The following PPARA variants were observed in gnomAD, a reference collection of about 807,000 sequenced individuals.
PPARA encodes the protein peroxisome proliferator activated receptor alpha, also known as peroxisome proliferator-activated receptor alpha.
In PPARA, 22 loss-of-function variants were observed where a neutral mutation model predicts 42.2. That is an observed-to-expected ratio of 0.52 (90% confidence interval 0.37 to 0.74). The LOEUF (loss-of-function observed/expected upper bound fraction) is 0.74, where lower values mean the gene tolerates loss of function less well. Among genes scored for constraint, PPARA ranks in the 30% least tolerant of loss-of-function variants. The pLI, the probability that PPARA is intolerant of heterozygous loss-of-function variation, is 0.00. For synonymous variants in PPARA, 242 were observed against 239.3 expected (o/e 1.01, Z -0.10); for missense variants, 465 against 608.2 (o/e 0.76, Z 2.48).
intron 4 of PPARA, among the ~76,000 whole-genome samples, chr22:46,199,358 C>T (rs1018167156): frequency 1.3e-5 from 2 of 152,134 alleles, no homozygotes; most frequent in Non-Finnish European, 2.9e-5. Context: ...CTAGGCTAGG[C>T]GCGGTGGCTC....
At position 46,204,368 on chromosome 22, in the gene PPARA, A is replaced by T. The variant is rs568718679; in HGVS notation, c.208+5777A>T. ...TTCTTTTGAATAAATACCTAGGAGT[A>T]TGACGGCTGGAACAGATGGCAGGTG... On this transcript the variant is annotated intron_variant, in intron 4 of 8. Coordinates refer to ENST00000407236, the MANE Select transcript of PPARA (RefSeq NM_005036.6). The surrounding 1 kb of genome is among the most constrained non-coding windows in gnomAD (Gnocchi z 5.2). Among the ~76,000 whole-genome samples the T allele has an allele frequency of 1.3e-5, 2 of 152,388 alleles. No homozygotes were observed. The highest frequency in any genetic ancestry group is 3.9e-4 in the East Asian group (2 of 5,194).
Position 46,240,229 on chromosome 22 carries a change from G to A in PPARA, c.*4849G>A. On this transcript the variant is annotated 3_prime_UTR_variant, in exon 9 of 9. Coordinates refer to ENST00000407236, the MANE Select transcript of PPARA (RefSeq NM_005036.6). This position sits in a 1 kb window ranked among gnomAD's most constrained non-coding sequence, Gnocchi z 6.0. ...GCAGCTTTCAAAGCAGGTTCCTGTG[G>A]TCTCCTCAGCTGTTTGAGGGGGTAA... 2 of 398,688 alleles carry A rather than the reference G, an allele frequency of 5.0e-6. No individual in the cohort carries two copies. The highest frequency in any genetic ancestry group is 8.8e-6 in the Non-Finnish European group (2 of 226,112). 24.7% of individuals were successfully genotyped at this position (398,688 alleles called of 1,614,324 possible).
chr22:46,205,509 C>G (rs1933146014), intron 4 of PPARA, among the ~76,000 whole-genome samples: 1 of 118,874 alleles, frequency 8.4e-6, no homozygotes, highest in Non-Finnish European at 1.7e-5. Flanking sequence ...CGTGAGCCAC[C>G]ATGCCCAGCC....
Position 46,198,591 on chromosome 22 carries a change from G to T in PPARA, c.208G>T (p.Asp70Tyr). 1 of 1,613,400 alleles carries T rather than the reference G, an allele frequency of 6.2e-7. No homozygotes were observed. Among genetic ancestry groups the T allele is most frequent in the Non-Finnish European group, 8.5e-7 (1 of 1,179,602 alleles). The change falls in exon 4 of 9, where the codon GAC becomes TAC. Residue 70 changes from aspartate (D) to tyrosine (Y), a missense_variant and splice_region_variant. Around this residue, in one of 2 missense-constraint regions of PPARA, gnomAD observed 152 missense variants for 139.1 expected, o/e 1.09. Coordinates refer to ENST00000407236, the MANE Select transcript of PPARA (RefSeq NM_005036.6). ...TGGCTCAGATGGCTCGGTCATCACG[G>T]GTAAGTGTGCCGTTTCCTAGAAAGT... ...CPGSDGSVIT[D>Y]TLSPASSPSS... is the part of the protein sequence containing the mutation.
chr22:46,175,591 G>C (rs1257369817), intron 2 of PPARA, among the ~76,000 whole-genome samples: 1 of 152,020 alleles, frequency 6.6e-6, no homozygotes, highest in Non-Finnish European at 1.5e-5. Context: ...GCGGGCGCCT[G>C]TAGTCCCAGC....
At chr22:46,179,902 A>T (rs993256587) in intron 3 of PPARA, among the ~76,000 whole-genome samples, 7 of 152,232 alleles carry the variant, frequency 4.6e-5, no homozygotes, top group African/African-American at 1.7e-4. Context: ...TGGGCAAGAG[A>T]TCTGAACAAA....
intron 4 of PPARA, among the ~76,000 whole-genome samples, chr22:46,209,207 A>G (rs5767636): frequency 0.32 from 47,927 of 152,010 alleles, 8,021 homozygotes; most frequent in African/African-American, 0.44. Flanking sequence ...TTTTCTCTAC[A>G]TGCTTGCCAA....
rs918461309 is a variant in PPARA, at chr22:46,230,382, G to A, written c.712-1410G>A. On this transcript the variant is annotated intron_variant, in intron 7 of 8. Coordinates refer to ENST00000407236, the MANE Select transcript of PPARA (RefSeq NM_005036.6). This position sits in a 1 kb window ranked among gnomAD's most constrained non-coding sequence, Gnocchi z 5.0. Reference sequence around the variant, plus strand: ...GCAAAACTCTGTCTCAAAAAAAAAAGAAATAACACCTTAGCCCACTGCATT... The same window carrying A: ...GCAAAACTCTGTCTCAAAAAAAAAAAAAATAACACCTTAGCCCACTGCATT... 3.5e-5 allele frequency among the ~76,000 whole-genome samples: 5 copies of A among 144,714 alleles called. No homozygotes were observed. The highest frequency in any genetic ancestry group is 1.4e-4 in the African/African-American group (5 of 36,370). The allele number at this position is 144,714 out of a possible 152,430, so 94.9% of individuals were successfully genotyped here.
At position 46,224,059 on chromosome 22, in the gene PPARA, C is replaced by T. The variant is rs1246226170; in HGVS notation, c.711+4045C>T. ...GGGCACTCTTCCGAGAGTCAGATGC[C>T]CTCTTCCACCCACACCCACAAAGCC... On this transcript the variant is annotated intron_variant, in intron 7 of 8. Coordinates refer to ENST00000407236, the MANE Select transcript of PPARA (RefSeq NM_005036.6). This position sits in a 1 kb window ranked among gnomAD's most constrained non-coding sequence, Gnocchi z 5.7. 6.6e-6 allele frequency among the ~76,000 whole-genome samples: 1 copy of T among 152,130 alleles called. No homozygotes were observed. The highest frequency in any genetic ancestry group is 2.4e-5 in the African/African-American group (1 of 41,428).
At chr22:46,220,169 C>T in intron 7 of PPARA, 155 bp downstream of exon 7, 1 of 907,940 alleles carries the variant, frequency 1.1e-6, no homozygotes, top group Non-Finnish European at 1.7e-6. Context: ...TTCTGAGACT[C>T]TGAGCTGTAG....
intron 2 of PPARA, among the ~76,000 whole-genome samples, chr22:46,174,720 G>A (rs550585764): frequency 6.6e-6 from 1 of 152,180 alleles, no homozygotes; most frequent in African/African-American, 2.4e-5. Context: ...AGGAGGCTGA[G>A]GTAGGAGGAT....
At position 46,235,379 on chromosome 22, in the gene PPARA, G is replaced by A. The variant is rs1225715345; in HGVS notation, c.1406G>A (p.Ter469=). ...CAGGAGATCTACAGGGACATGTACT[G>A]AGTTCCTTCAGATCAGCCACACCTT... ...LLQEIYRDMY[*] is the part of the protein sequence containing the mutation. The change falls in exon 9 of 9, where the codon TGA becomes TAA. Residue 469 remains the stop codon, a stop_retained_variant. Transcript: ENST00000407236. The surrounding 1 kb of genome is among the most constrained non-coding windows in gnomAD (Gnocchi z 7.0). The A allele has an allele frequency of 1.2e-6, 2 of 1,613,440 alleles. No individual in the cohort carries two copies. The highest frequency in any genetic ancestry group is 1.1e-5 in the South Asian group (1 of 91,002).
intron 3 of PPARA, among the ~76,000 whole-genome samples, chr22:46,186,367 A>C (rs900518630): frequency 6.6e-6 from 1 of 152,074 alleles, no homozygotes; most frequent in African/African-American, 2.4e-5. Flanking sequence ...TATTTGTGCA[A>C]CACACTTGAA....
intron 7 of PPARA, among the ~76,000 whole-genome samples, chr22:46,223,516 A>G (rs973589166): frequency 1.3e-5 from 2 of 151,414 alleles, no homozygotes; most frequent in Non-Finnish European, 2.9e-5. Context: ...GGTCGTGGGC[A>G]CCTGTAATCC....
In PPARA at chr22:46,239,808, C is replaced by T. The variant is rs1936325205; in HGVS notation, c.*4428C>T. ...CTTCCTAAGGTCTGTCTCCTCTGAA[C>T]TTGCACCTGGGCCTCTCTGTGTTTG... On this transcript the variant is annotated 3_prime_UTR_variant, in exon 9 of 9. Coordinates refer to ENST00000407236, the MANE Select transcript of PPARA (RefSeq NM_005036.6). 4 of 184,244 alleles carry T rather than the reference C, an allele frequency of 2.2e-5. No individual in the cohort carries two copies. Among genetic ancestry groups the T allele is most frequent in the Admixed American group, 1.9e-4 (3 of 16,096 alleles). The allele number at this position is 184,244 out of a possible 1,614,324, so 11.4% of individuals were successfully genotyped here.
At chr22:46,215,423 T>G in intron 5 of PPARA, 90 bp downstream of exon 5, 1 of 1,541,956 alleles carries the variant, frequency 6.5e-7, no homozygotes, top group South Asian at 1.1e-5. Context: ...TACTGAGAGA[T>G]TGCAGAAAGT....
chr22:46,179,097 T>C (rs1248877819), intron 3 of PPARA, among the ~76,000 whole-genome samples: 1 of 152,204 alleles, frequency 6.6e-6, no homozygotes, highest in African/African-American at 2.4e-5. Flanking sequence ...CCTCTTCTTA[T>C]AAAGTCACCA....
rs536293799 is a variant in PPARA at position 46,225,880 on chromosome 22, C to T, written c.711+5866C>T. On this transcript the variant is annotated intron_variant, in intron 7 of 8. Transcript: ENST00000407236. This position sits in a 1 kb window ranked among gnomAD's most constrained non-coding sequence, Gnocchi z 4.1. ...ACACATGCACCCACACATGGATACA[C>T]GCACACTCACACATGTACCCACACC... Among the ~76,000 whole-genome samples the T allele has an allele frequency of 1.3e-4, 20 of 151,790 alleles. No individual in the cohort carries two copies. Among genetic ancestry groups the T allele is most frequent in the Admixed American group, 2.0e-4 (3 of 15,242 alleles).
Position 46,167,996 on chromosome 22 carries a change from A to G in PPARA, c.-126-8757A>G, listed in dbSNP as rs1277965794. 6.6e-6 allele frequency among the ~76,000 whole-genome samples: 1 copy of G among 152,102 alleles called. No individual in the cohort carries two copies. Among genetic ancestry groups the G allele is most frequent in the Non-Finnish European group, 1.5e-5 (1 of 67,986 alleles). On this transcript the variant is annotated intron_variant, in intron 2 of 8. Coordinates refer to ENST00000407236, the MANE Select transcript of PPARA (RefSeq NM_005036.6). This position sits in a 1 kb window ranked among gnomAD's most constrained non-coding sequence, Gnocchi z 4.1. ...AGCCCAGGAGTTGAAGCTTGCAGTG[A>G]ATTATGACCATGCCACTGCACTCCA...
Sources: gnomAD v4.1 joint callset for allele counts (sites outside exome capture counted in the v4.1 genomes callset) on GRCh38, gnomAD v4.1.1 for gene constraint, gnomAD v4.1.1 regional missense constraint, Gnocchi (gnomAD v3.1) non-coding constraint, MANE v1.5 for transcripts, NCBI Gene and HGNC (gene_info 2026-07-23, HGNC 2026-07-21) for gene names.